ADGRL2: variants seen among roughly 807,000 people sequenced by gnomAD.
ADGRL2 encodes the protein calcium-independent alpha-latrotoxin receptor 2.
In ADGRL2, 44 loss-of-function variants were observed where a neutral mutation model predicts 157.4. The ratio of observed to expected loss-of-function variants is 0.28; its 90% confidence interval spans 0.22 to 0.36. The LOEUF (loss-of-function observed/expected upper bound fraction) is 0.36, where lower values mean the gene tolerates loss of function less well. Ranked by LOEUF, ADGRL2 falls within the 10% of genes least tolerant of loss-of-function variation. The pLI is 1.00. For synonymous variants in ADGRL2, 585 were observed against 624.7 expected (o/e 0.94, Z 0.95); for missense variants, 1,510 against 1,768.9 (o/e 0.85, Z 2.63).
chr1:81,957,384 C>T (rs900460902), intron 11 of ADGRL2, among the ~76,000 whole-genome samples: 7 of 152,006 alleles, frequency 4.6e-5, no homozygotes, highest in Non-Finnish European at 7.4e-5. Flanking sequence ...TTTCTAGTAC[C>T]TATGTTTTTC....
At position 81,987,351 on chromosome 1, in the gene ADGRL2, C is replaced by G. The variant is rs776688909; in HGVS notation, c.3637+322C>G. The G allele has an allele frequency of 1.8e-5, 26 of 1,462,598 alleles. No individual in the cohort carries two copies. The East Asian group carries it at 5.9e-4, about 33-fold the overall frequency. The allele number at this position is 1,462,598 out of a possible 1,614,324, so 90.6% of individuals were successfully genotyped here. On this transcript the variant is annotated intron_variant, in intron 22 of 23. Transcript: ENST00000686636. Reference sequence around the variant, plus strand: ...TTTATATCATTTAGAGGTATCCTATCTATATAATATACTGTTCAGTTAATT... The same window carrying G: ...TTTATATCATTTAGAGGTATCCTATGTATATAATATACTGTTCAGTTAATT...
At chr1:81,851,079 G>A (rs1199583919) in intron 2 of ADGRL2, among the ~76,000 whole-genome samples, 10 of 151,870 alleles carry the variant, frequency 6.6e-5, no homozygotes, top group Non-Finnish European at 8.8e-5. Flanking sequence ...GAAAACAAAG[G>A]AGTGTCCATG....
Position 81,951,090 on chromosome 1 carries a change from C to T in ADGRL2, c.1577C>T (p.Thr526Ile). Reference protein sequence around the residue: ...NPKGPDLSNCTSHWVNQLAQK... With the variant: ...NPKGPDLSNCISHWVNQLAQK... ...AAGGGCCCCGATCTTAGCAACTGTA[C>T]CTCACACTGGGTGAATCAGCTGGCT... The change falls in exon 8 of 24, where the codon ACC (threonine) becomes ATC (isoleucine). Residue 526 changes from threonine (T) to isoleucine (I), a missense_variant. Coordinates refer to ENST00000686636, the MANE Select transcript of ADGRL2 (RefSeq NM_001366006.2). The T allele has an allele frequency of 6.2e-7, 1 of 1,613,384 alleles. No homozygotes were observed. The highest frequency in any genetic ancestry group is 1.7e-5 in the Admixed American group (1 of 60,000).
intron 1 of ADGRL2, among the ~76,000 whole-genome samples, chr1:81,818,532 T>C (rs1389453490): frequency 6.6e-6 from 1 of 152,116 alleles, no homozygotes; most frequent in Non-Finnish European, 1.5e-5. Flanking sequence ...TTTTGAAATG[T>C]TGATTGTATT....
chr1:81,914,678 G>A (rs1366854793), intron 3 of ADGRL2, among the ~76,000 whole-genome samples: 6 of 152,036 alleles, frequency 3.9e-5, no homozygotes, highest in Non-Finnish European at 1.5e-5. Flanking sequence ...AATCTACTTA[G>A]GTTATTTTCT....
chr1:81,671,932 T>C (rs1199133342), intron 3 of ADGRL2, among the ~76,000 whole-genome samples: 1 of 152,362 alleles, frequency 6.6e-6, no homozygotes, highest in South Asian at 2.1e-4. Context: ...TGTTTGTGTG[T>C]GTACACACTG....
At chr1:81,869,949 C>G (rs2093649069) in intron 2 of ADGRL2, among the ~76,000 whole-genome samples, 1 of 151,890 alleles carries the variant, frequency 6.6e-6, no homozygotes, top group South Asian at 2.1e-4. Context: ...GGCTGTGCAT[C>G]TTAAACAGTA....
intron 3 of ADGRL2, among the ~76,000 whole-genome samples, chr1:81,634,033 T>G (rs2148769075): frequency 6.6e-6 from 1 of 152,274 alleles, no homozygotes; most frequent in African/African-American, 2.4e-5. Flanking sequence ...TGAGAAAATG[T>G]TCCAGGCCCA....
intron 3 of ADGRL2, among the ~76,000 whole-genome samples, chr1:81,635,220 C>T (rs1239764992): frequency 5.3e-5 from 8 of 152,140 alleles, no homozygotes; most frequent in Non-Finnish European, 1.2e-4. Flanking sequence ...TTCCTCTCTC[C>T]GTGTTCGCCT....
At chr1:81,953,437 G>A (rs1557988984) in intron 10 of ADGRL2, among the ~76,000 whole-genome samples, 1 of 152,128 alleles carries the variant, frequency 6.6e-6, no homozygotes, top group African/African-American at 2.4e-5. Context: ...TCTTATCTTT[G>A]TGGTATACTC....
At chr1:81,364,924 A>C (rs975426688) in intron 1 of ADGRL2, among the ~76,000 whole-genome samples, 6 of 152,126 alleles carry the variant, frequency 3.9e-5, no homozygotes, top group African/African-American at 1.4e-4. Context: ...TAGGCCTCCC[A>C]AAGTGCTGAG....
chr1:81,857,792 A>G (rs530569234), intron 2 of ADGRL2, among the ~76,000 whole-genome samples: 105 of 152,314 alleles, frequency 6.9e-4, no homozygotes, highest in Non-Finnish European at 1.3e-3. Context: ...ACATGAAGAC[A>G]TTTTTAAAAA....
intron 2 of ADGRL2, among the ~76,000 whole-genome samples, chr1:81,767,861 A>AG (rs1241887435): frequency 5.6e-5 from 8 of 143,798 alleles, no homozygotes; most frequent in Admixed American, 4.2e-4. Context: ...TCTCAAAAAA[A>AG]AAAAAAAGAA....
At chr1:81,527,609 G>A (rs1009200836) in intron 2 of ADGRL2, among the ~76,000 whole-genome samples, 2 of 152,130 alleles carry the variant, frequency 1.3e-5, no homozygotes, top group African/African-American at 2.4e-5. Flanking sequence ...CTACTCAGGA[G>A]GCTGAGACGG....
intron 3 of ADGRL2, among the ~76,000 whole-genome samples, chr1:81,654,696 C>T (rs1406373048): frequency 6.6e-6 from 1 of 152,174 alleles, no homozygotes; most frequent in African/African-American, 2.4e-5. Context: ...TGAGTCCTTC[C>T]TCTGTACCTA....
chr1:81,579,612 T>C (rs1344407946), intron 2 of ADGRL2, among the ~76,000 whole-genome samples: 1 of 152,178 alleles, frequency 6.6e-6, no homozygotes, highest in African/African-American at 2.4e-5. Flanking sequence ...ATATGAATTC[T>C]CCCTTGTGTC....
chr1:81,805,059 TTAAA>T (rs1448591177), intron 1 of ADGRL2, among the ~76,000 whole-genome samples: 1 of 152,198 alleles, frequency 6.6e-6, no homozygotes, highest in South Asian at 2.1e-4. Context: ...ATAATTCTGT[TTAAA>T]TATTGTTTTG....
intron 1 of ADGRL2, among the ~76,000 whole-genome samples, chr1:81,417,151 A>G (rs2077047019): frequency 6.6e-6 from 1 of 152,196 alleles, no homozygotes; most frequent in Non-Finnish European, 1.5e-5. Context: ...TATAATTACA[A>G]CAAAATCTGT....
chr1:81,594,380 T>G (rs933124657), intron 3 of ADGRL2, among the ~76,000 whole-genome samples: 2 of 152,216 alleles, frequency 1.3e-5, no homozygotes, highest in South Asian at 4.1e-4. Context: ...GTGGAAATGC[T>G]TCATCAAACA....
Sources: allele counts gnomAD v4.1 joint callset (sites outside exome capture counted in the v4.1 genomes callset), GRCh38; gene constraint gnomAD v4.1.1; transcripts MANE v1.5; gene names NCBI Gene and HGNC (gene_info 2026-07-23, HGNC 2026-07-21).